CNGB1: variants seen among roughly 807,000 people sequenced by gnomAD.
The protein encoded by CNGB1 is cyclic nucleotide-gated channel beta-1.
A neutral mutation model predicts 151.7 loss-of-function variants in CNGB1; 126 were observed. That is an observed-to-expected ratio of 0.83 (90% CI 0.72 to 0.96). The LOEUF (loss-of-function observed/expected upper bound fraction) is 0.96, where lower values mean the gene tolerates loss of function less well. Among genes scored for constraint, CNGB1 ranks in the 40% least tolerant of loss-of-function variants. The pLI, the probability that CNGB1 is intolerant of heterozygous loss-of-function variation, is 0.00. For synonymous variants in CNGB1, 623 were observed against 635.1 expected, an observed-to-expected ratio of 0.98 and a Z score of 0.29; for missense variants, 1,698 against 1,627.0, an observed-to-expected ratio of 1.04 and a Z score of -0.75.
At chr16:57,943,144 T>A (rs1166881782) in intron 14 of CNGB1, among the ~76,000 whole-genome samples, 1 of 151,960 alleles carries the variant, frequency 6.6e-6, no homozygotes, top group Non-Finnish European at 1.5e-5. Flanking sequence ...GTAAGTCAAA[T>A]AAGGGGTTAA....
At chr16:57,927,225 C>T (rs1291439760) in intron 17 of CNGB1, among the ~76,000 whole-genome samples, 1 of 152,178 alleles carries the variant, frequency 6.6e-6, no homozygotes, top group Non-Finnish European at 1.5e-5. Flanking sequence ...AAATGACCTG[C>T]CTTAAGACCC....
At chr16:57,890,631 A>G (rs538760726) in intron 31 of CNGB1, among the ~76,000 whole-genome samples, 3 of 152,352 alleles carry the variant, frequency 2.0e-5, no homozygotes, top group East Asian at 3.9e-4. Flanking sequence ...AGTGACCCAC[A>G]TAAGACCTCT....
intron 2 of CNGB1, among the ~76,000 whole-genome samples, chr16:57,965,055 C>T (rs1220847422): frequency 1.3e-5 from 2 of 152,248 alleles, no homozygotes; most frequent in East Asian, 1.9e-4. Context: ...CCTGCTACTA[C>T]GTGCACTTAT....
intron 2 of CNGB1, among the ~76,000 whole-genome samples, chr16:57,965,882 G>C (rs1962385748): frequency 6.6e-6 from 1 of 152,130 alleles, no homozygotes; most frequent in Non-Finnish European, 1.5e-5. Flanking sequence ...TATACCCATT[G>C]TGCAAATACA....
At chr16:57,888,922 G>A (rs758221687) in intron 31 of CNGB1, among the ~76,000 whole-genome samples, 7 of 152,132 alleles carry the variant, frequency 4.6e-5, no homozygotes, top group Non-Finnish European at 8.8e-5. Context: ...CATTTACTGA[G>A]TGTCTGTATA....
At chr16:57,954,967 T>C in intron 12 of CNGB1, 1 of 1,102,618 alleles carries the variant, frequency 9.1e-7, no homozygotes, top group Non-Finnish European at 1.1e-6. Flanking sequence ...CACGGTGGTC[T>C]CGAACTTCGG....
chr16:57,901,710 T>C lies in CNGB1; in HGVS notation c.2795-85A>G, dbSNP rs1210090016. 5 of 1,067,896 alleles carry C rather than the reference T, an allele frequency of 4.7e-6. No homozygotes were observed. The East Asian group carries it at 1.2e-4, about 27-fold the overall frequency. 66.2% of individuals were successfully genotyped at this position (1,067,896 alleles called of 1,614,324 possible). A position where few individuals can be genotyped will look rare whatever the true frequency, so the allele number is the denominator to read the frequency against. On this transcript the variant is annotated intron_variant, in intron 27 of 32. Coordinates refer to ENST00000251102, the MANE Select transcript of CNGB1 (RefSeq NM_001297.5). ...ACCGGCCAAGTGCCCACCTACTGGC[T>C]CACCAGGGCACACCATTGCCCTGCC...
At chr16:57,915,989 T>C in intron 22 of CNGB1, 140 bp downstream of exon 22, 1 of 826,702 alleles carries the variant, frequency 1.2e-6, no homozygotes, top group Non-Finnish European at 2.1e-6. Flanking sequence ...GCTTGTGGTT[T>C]GGAGGACACT....
intron 17 of CNGB1, among the ~76,000 whole-genome samples, chr16:57,924,841 C>G (rs914416698): frequency 7.0e-4 from 107 of 152,152 alleles, no homozygotes; most frequent in Non-Finnish European, 1.5e-4. Context: ...CCTCCCCACT[C>G]TCTCTCAGTT....
chr16:57,916,128 C>T lies in CNGB1; in HGVS notation c.2217+1G>A. ...CTAAACCTTGCATGCCCGGCACACA[C>T]CTTGAAGCGGCGAGACTTCAGGTAG... On this transcript the variant is annotated splice_donor_variant, in intron 22 of 32. Transcript: ENST00000251102. LOFTEE classifies it high-confidence loss of function. The T allele has an allele frequency of 6.2e-7, 1 of 1,614,034 alleles. No homozygotes were observed. Among genetic ancestry groups the T allele is most frequent in the Non-Finnish European group, 8.5e-7 (1 of 1,179,960 alleles).
At chr16:57,949,500 C>T (rs895682370) in intron 13 of CNGB1, 61 bp from the exon 14 acceptor site, 1 of 1,609,080 alleles carries the variant, frequency 6.2e-7, no homozygotes, top group South Asian at 1.1e-5. Context: ...GAGTCTACCT[C>T]CTGCCTCTAT....
intron 14 of CNGB1, among the ~76,000 whole-genome samples, chr16:57,942,540 T>C (rs1289543865): frequency 2.0e-5 from 3 of 152,270 alleles, no homozygotes; most frequent in South Asian, 2.1e-4. Context: ...CAGAACCATA[T>C]GCTGAAAACT....
chr16:57,891,940 CTT>C (rs1158213405), intron 31 of CNGB1, among the ~76,000 whole-genome samples: 1 of 152,124 alleles, frequency 6.6e-6, no homozygotes, highest in Non-Finnish European at 1.5e-5. Context: ...CTGAATGAAG[CTT>C]ATCTAACACA....
intron 25 of CNGB1, among the ~76,000 whole-genome samples, chr16:57,908,293 A>G (rs1460651358): frequency 6.6e-6 from 1 of 152,172 alleles, no homozygotes; most frequent in Non-Finnish European, 1.5e-5. Context: ...CTATACTGGG[A>G]GGGGACGTTC....
At chr16:57,958,166 T>G (rs1354060786) in intron 11 of CNGB1, among the ~76,000 whole-genome samples, 1 of 152,184 alleles carries the variant, frequency 6.6e-6, no homozygotes, top group African/African-American at 2.4e-5. Flanking sequence ...GAGGCTCCAC[T>G]TCTGTGCCCC....
At chr16:57,903,677 G>A in intron 27 of CNGB1, 145 bp downstream of exon 27, 1 of 1,052,178 alleles carries the variant, frequency 9.5e-7, no homozygotes, top group Non-Finnish European at 1.4e-6. Context: ...TCACACCAAT[G>A]TTGGGGACAC....
At chr16:57,967,628 C>T (rs970831520) in intron 1 of CNGB1, among the ~76,000 whole-genome samples, 3 of 151,876 alleles carry the variant, frequency 2.0e-5, no homozygotes, top group African/African-American at 7.3e-5. Flanking sequence ...CCTAGGAGGT[C>T]GAGGCAGCAG....
At chr16:57,955,655 G>C (rs1184747317) in intron 12 of CNGB1, among the ~76,000 whole-genome samples, 2 of 152,188 alleles carry the variant, frequency 1.3e-5, no homozygotes, top group African/African-American at 2.4e-5. Flanking sequence ...CGGATTGAGG[G>C]TGGGCCCTAA....
intron 32 of CNGB1, among the ~76,000 whole-genome samples, chr16:57,887,397 A>G (rs1420490421): frequency 6.6e-6 from 1 of 152,070 alleles, no homozygotes; most frequent in Non-Finnish European, 1.5e-5. Context: ...GCCACACCGA[A>G]TGGCTCAAGA....
Sources: gnomAD v4.1 joint callset for allele counts (sites outside exome capture counted in the v4.1 genomes callset) on GRCh38, gnomAD v4.1.1 for gene constraint, MANE v1.5 for transcripts, NCBI Gene and HGNC (gene_info 2026-07-23, HGNC 2026-07-21) for gene names.